PLA2R1: variants seen among roughly 807,000 people sequenced by gnomAD.
PLA2R1 encodes secretory phospholipase A2 receptor.
Under a neutral mutation model 195.9 loss-of-function variants are expected in PLA2R1, and 158 were observed. That is an observed-to-expected ratio of 0.81 (90% CI 0.71 to 0.92). The LOEUF (loss-of-function observed/expected upper bound fraction) is 0.92, where lower values mean the gene tolerates loss of function less well. Among genes scored for constraint, PLA2R1 ranks in the 40% least tolerant of loss-of-function variants. The probability of loss-of-function intolerance (pLI) is 0.00; values close to 1 mark genes in which losing one functional copy is unlikely to be tolerated. For synonymous variants in PLA2R1, 586 were observed against 598.2 expected (o/e 0.98, Z 0.30); for missense variants, 1,626 against 1,764.6 (o/e 0.92, Z 1.41).
At chr2:159,976,448 G>A (rs755083159) in intron 16 of PLA2R1, among the ~76,000 whole-genome samples, 4 of 151,970 alleles carry the variant, frequency 2.6e-5, no homozygotes, top group African/African-American at 4.8e-5. Context: ...TTAAAAGGTC[G>A]GGGATAGGTA....
At chr2:160,012,344 C>T (rs2667016) in intron 10 of PLA2R1, among the ~76,000 whole-genome samples, 84,015 of 151,650 alleles carry the variant, frequency 0.55, 23,625 homozygotes, top group East Asian at 0.6. Flanking sequence ...CTCCTGGCAT[C>T]GATACTAATA....
intron 14 of PLA2R1, among the ~76,000 whole-genome samples, chr2:159,978,301 G>C (rs2105282174): frequency 6.6e-6 from 1 of 152,258 alleles, no homozygotes; most frequent in African/African-American, 2.4e-5. Context: ...TCTCACAGAA[G>C]AATGGATGTA....
intron 7 of PLA2R1, among the ~76,000 whole-genome samples, chr2:160,020,879 T>C (rs1389893158): frequency 1.3e-5 from 2 of 152,216 alleles, no homozygotes; most frequent in African/African-American, 2.4e-5. Context: ...CTGCTTGATA[T>C]AGGCCTTATA....
At chr2:160,056,855 G>A (rs187708974) in intron 1 of PLA2R1, among the ~76,000 whole-genome samples, 44 of 152,268 alleles carry the variant, frequency 2.9e-4, no homozygotes, top group African/African-American at 1.1e-3. Context: ...AATTCACTCA[G>A]CCAGACTTTT....
At chr2:159,986,526 T>C (rs1690348852) in intron 12 of PLA2R1, among the ~76,000 whole-genome samples, 1 of 152,004 alleles carries the variant, frequency 6.6e-6, no homozygotes, top group Non-Finnish European at 1.5e-5. Context: ...CCAGGAGTGA[T>C]AACCAGAGCA....
intron 10 of PLA2R1, among the ~76,000 whole-genome samples, chr2:160,011,588 A>G (rs1692362243): frequency 6.6e-6 from 1 of 152,240 alleles, no homozygotes; most frequent in Non-Finnish European, 1.5e-5. Context: ...AAAATAAAGA[A>G]TAAGACATAA....
intron 3 of PLA2R1, among the ~76,000 whole-genome samples, chr2:160,036,983 T>C (rs1005728823): frequency 6.6e-6 from 1 of 152,242 alleles, no homozygotes; most frequent in African/African-American, 2.4e-5. Context: ...ATTTTTGGCT[T>C]GTTGCTTTAA....
chr2:160,051,188 C>T (rs1695189770), intron 1 of PLA2R1, among the ~76,000 whole-genome samples: 1 of 152,236 alleles, frequency 6.6e-6, no homozygotes. Context: ...CAACTATACA[C>T]ATAAAGTCAG....
chr2:160,034,915 C>T (rs1396442615), intron 3 of PLA2R1, among the ~76,000 whole-genome samples: 8 of 152,100 alleles, frequency 5.3e-5, no homozygotes, highest in African/African-American at 9.7e-5. Flanking sequence ...GCTGACATGA[C>T]GCCACAAGTA....
chr2:160,040,850 C>T (rs72621699), intron 3 of PLA2R1, among the ~76,000 whole-genome samples: 6,163 of 152,272 alleles, frequency 0.04, 468 homozygotes, highest in East Asian at 0.3. Flanking sequence ...GTTGCTGCTG[C>T]TTCTGGCTGC....
Position 159,943,612 on chromosome 2 carries a change from C to T in PLA2R1, c.4144+1294G>A, listed in dbSNP as rs1241099798. Among the ~76,000 whole-genome samples the T allele has an allele frequency of 3.3e-5, 5 of 152,080 alleles. No individual in the cohort carries two copies. The South Asian group carries it at 6.2e-4, about 19-fold the overall frequency. On this transcript the variant is annotated intron_variant, in intron 28 of 29. Transcript: ENST00000283243. ...CCTCAGTTTGCACAGGCACTTTTCC[C>T]GTCTGTAAAATGGGGATATTTAAAT...
At chr2:160,031,747 ATTTATT>A (rs924664505) in intron 4 of PLA2R1, among the ~76,000 whole-genome samples, 3 of 152,010 alleles carry the variant, frequency 2.0e-5, no homozygotes, top group African/African-American at 7.3e-5. Context: ...CCATGTTTTT[ATTTATT>A]TTTATTTTTT....
intron 20 of PLA2R1, among the ~76,000 whole-genome samples, chr2:159,959,646 G>C (rs1419355936): frequency 6.6e-6 from 1 of 151,890 alleles, no homozygotes; most frequent in Admixed American, 6.6e-5. Context: ...CTCAATATTT[G>C]GAAATGAAAT....
chr2:159,977,793 A>G (rs1198964234), intron 14 of PLA2R1, among the ~76,000 whole-genome samples: 2 of 152,046 alleles, frequency 1.3e-5, no homozygotes, highest in African/African-American at 4.8e-5. Flanking sequence ...AAAACAAAAA[A>G]TTAGCTGGTT....
intron 8 of PLA2R1, among the ~76,000 whole-genome samples, chr2:160,019,234 A>G (rs920958777): frequency 6.6e-5 from 10 of 152,230 alleles, no homozygotes; most frequent in Admixed American, 2.0e-4. Flanking sequence ...GAGGTTACAC[A>G]TACTGTTTAA....
chr2:159,975,952 A>T, intron 17 of PLA2R1, 116 bp downstream of exon 17: 1 of 788,992 alleles, frequency 1.3e-6, no homozygotes, highest in Non-Finnish European at 2.1e-6. Context: ...TATGGCTTTT[A>T]CTGAAGTTTA....
intron 14 of PLA2R1, among the ~76,000 whole-genome samples, chr2:159,978,410 T>C (rs1034430307): frequency 2.0e-5 from 3 of 152,204 alleles, no homozygotes; most frequent in East Asian, 1.9e-4. Flanking sequence ...TAATAATTCA[T>C]CTATCTAAAA....
intron 3 of PLA2R1, among the ~76,000 whole-genome samples, chr2:160,037,168 G>A (rs1392812956): frequency 6.6e-6 from 1 of 152,164 alleles, no homozygotes; most frequent in East Asian, 1.9e-4. Flanking sequence ...TATTGCTCTA[G>A]CCTTCTACCT....
chr2:159,962,632 C>G (rs1158599895), intron 20 of PLA2R1, among the ~76,000 whole-genome samples: 1 of 152,188 alleles, frequency 6.6e-6, no homozygotes, highest in Non-Finnish European at 1.5e-5. Flanking sequence ...TTGGAACCAA[C>G]CCAAATGTCC....
Sources: allele counts gnomAD v4.1 joint callset (sites outside exome capture counted in the v4.1 genomes callset), GRCh38; gene constraint gnomAD v4.1.1; transcripts MANE v1.5; gene names NCBI Gene and HGNC (gene_info 2026-07-23, HGNC 2026-07-21).